FOXK1: variants seen among roughly 807,000 people sequenced by gnomAD.
The protein encoded by FOXK1 is forkhead box protein K1.
Under a neutral mutation model 51.9 loss-of-function variants are expected in FOXK1, and 19 were observed. The ratio of observed to expected loss-of-function variants is 0.37; its 90% CI spans 0.26 to 0.54. The LOEUF (loss-of-function observed/expected upper bound fraction) is 0.54, where lower values mean the gene tolerates loss of function less well. FOXK1 is among the 20% of genes least tolerant of loss of function. The probability of loss-of-function intolerance (pLI) is 0.87; values close to 1 mark genes in which losing one functional copy is unlikely to be tolerated. For synonymous variants in FOXK1, 537 were observed against 482.6 expected (o/e 1.11, Z -1.48); for missense variants, 870 against 1,032.7 (o/e 0.84, Z 2.16).
At chr7:4,727,232 G>T (rs375793015) in intron 1 of FOXK1, among the ~76,000 whole-genome samples, 1 of 152,150 alleles carries the variant, frequency 6.6e-6, no homozygotes, top group Non-Finnish European at 1.5e-5. Context: ...GATTACAGGC[G>T]TGAGCCACTG....
intron 1 of FOXK1, among the ~76,000 whole-genome samples, chr7:4,713,861 T>G (rs1780204762): frequency 6.7e-6 from 1 of 149,750 alleles, no homozygotes; most frequent in African/African-American, 2.5e-5. Context: ...GTTTTGCTCT[T>G]GTTGCCCAGG....
intron 1 of FOXK1, among the ~76,000 whole-genome samples, chr7:4,698,312 G>GTA (rs992394596): frequency 0.028 from 4,092 of 147,034 alleles, 80 homozygotes; most frequent in East Asian, 0.069. Flanking sequence ...GTATGTGTGT[G>GTA]TATATATATA....
In FOXK1 at chr7:4,743,880, T is replaced by C. The variant is rs11762856; in HGVS notation, c.746+2857T>C. 0.57 allele frequency among the ~76,000 whole-genome samples: 80,216 copies of C among 139,516 alleles called. 22,388 individuals carry two copies. The highest frequency in any genetic ancestry group is 0.84 in the East Asian group (4,285 of 5,072). 91.5% of individuals were successfully genotyped at this position (139,516 alleles called of 152,430 possible). On this transcript the variant is annotated intron_variant, in intron 2 of 8. Transcript: ENST00000328914. This position sits in a 1 kb window ranked among gnomAD's most constrained non-coding sequence, Gnocchi z 5.3. ...GGTTGTAATCCAGCTAAACAGAAGC[T>C]TTTTTTTTTTTTTTGAGACGGAGTC...
chr7:4,764,532 G>T lies in FOXK1; in HGVS notation c.*2068G>T. On this transcript the variant is annotated 3_prime_UTR_variant, in exon 9 of 9. Coordinates refer to ENST00000328914, the MANE Select transcript of FOXK1 (RefSeq NM_001037165.2). Reference sequence around the variant, plus strand: ...TCTGTGGGCCTTTTCTTTCCGTGGTGCCTGGTGTGTGCGTGCATGGCGTGA... The same window carrying T: ...TCTGTGGGCCTTTTCTTTCCGTGGTTCCTGGTGTGTGCGTGCATGGCGTGA... The T allele has an allele frequency of 6.5e-6, 1 of 153,740 alleles. No homozygotes were observed. The highest frequency in any genetic ancestry group is 1.5e-5 in the Non-Finnish European group (1 of 68,842). 9.5% of individuals were successfully genotyped at this position (153,740 alleles called of 1,614,324 possible). A position where few individuals can be genotyped will look rare whatever the true frequency, so the allele number is the denominator to read the frequency against.
chr7:4,704,518 C>T (rs1780058471), intron 1 of FOXK1, among the ~76,000 whole-genome samples: 1 of 147,386 alleles, frequency 6.8e-6, no homozygotes, highest in Non-Finnish European at 1.5e-5. Flanking sequence ...AAATATTTTT[C>T]AAAAATTAAA....
At chr7:4,684,181 C>T (rs2115025395) in intron 1 of FOXK1, among the ~76,000 whole-genome samples, 1 of 152,314 alleles carries the variant, frequency 6.6e-6, no homozygotes, top group African/African-American at 2.4e-5. Flanking sequence ...CTCATTTCCT[C>T]TGGAGCCACT....
intron 1 of FOXK1, among the ~76,000 whole-genome samples, chr7:4,714,859 T>A (rs938872907): frequency 9.8e-5 from 15 of 152,334 alleles, no homozygotes; most frequent in African/African-American, 3.6e-4. Context: ...AGATGTTTTG[T>A]CCACCTGAGT....
Position 4,704,834 on chromosome 7 carries a change from C to CTTTTTTTTTTTTTTTTTTTT in FOXK1, c.560+21981_560+21982insTTTTTTTTTTTTTTTTTTTT, listed in dbSNP as rs775099211. Among the ~76,000 whole-genome samples the CTTTTTTTTTTTTTTTTTTTT allele has an allele frequency of 6.1e-5, 8 of 131,406 alleles. 1 individual carries two copies. Among genetic ancestry groups the CTTTTTTTTTTTTTTTTTTTT allele is most frequent in the African/African-American group, 2.6e-4 (8 of 31,092 alleles). 86.2% of individuals were successfully genotyped at this position (131,406 alleles called of 152,430 possible). A position where few individuals can be genotyped will look rare whatever the true frequency, so the allele number is the denominator to read the frequency against. On this transcript the variant is annotated intron_variant, in intron 1 of 8. Coordinates refer to ENST00000328914, the MANE Select transcript of FOXK1 (RefSeq NM_001037165.2). ...CTCCCAAACCAATCTATGTTTCATT[C>CTTTTTTTTTTTTTTTTTTTT]TTTTTTTTTTTTTTTGAGAAAAAGT...
At position 4,749,019 on chromosome 7, in the gene FOXK1, G is replaced by A. The variant is rs181177586; in HGVS notation, c.747-5440G>A. On this transcript the variant is annotated intron_variant, in intron 2 of 8. Transcript: ENST00000328914. This position sits in a 1 kb window ranked among gnomAD's most constrained non-coding sequence, Gnocchi z 6.0. ...CACGCTTCTGGGACTGGCTGTGCCT[G>A]GCGGGCCTCTGAGCTGAGTCTCTCA... 3.5e-3 allele frequency among the ~76,000 whole-genome samples: 540 copies of A among 152,282 alleles called. 4 individuals carry two copies. The highest frequency in any genetic ancestry group is 0.012 in the African/African-American group (505 of 41,564).
chr7:4,700,320 T>A (rs1780005627), intron 1 of FOXK1, among the ~76,000 whole-genome samples: 1 of 152,116 alleles, frequency 6.6e-6, no homozygotes, highest in Admixed American at 6.6e-5. Flanking sequence ...ATAGGAGAGA[T>A]CTGAATGCAA....
intron 1 of FOXK1, among the ~76,000 whole-genome samples, chr7:4,698,322 A>G (rs1583183568): frequency 6.6e-6 from 1 of 152,052 alleles, no homozygotes; most frequent in East Asian, 1.9e-4. Context: ...GTATATATAT[A>G]TATATATATC....
intron 1 of FOXK1, among the ~76,000 whole-genome samples, chr7:4,704,471 A>G (rs927343787): frequency 6.0e-5 from 9 of 151,152 alleles, no homozygotes; most frequent in Non-Finnish European, 1.2e-4. Context: ...AAAAAAAAGA[A>G]AAGAAAAGGA....
rs113297548 is a variant in FOXK1, at chr7:4,756,548, G to A, written c.1051-446G>A. Among the ~76,000 whole-genome samples, 5 of 151,924 alleles carry A rather than the reference G, an allele frequency of 3.3e-5. No individual in the cohort carries two copies. The highest frequency in any genetic ancestry group is 1.2e-4 in the African/African-American group (5 of 41,408). On this transcript the variant is annotated intron_variant, in intron 4 of 8. Coordinates refer to ENST00000328914, the MANE Select transcript of FOXK1 (RefSeq NM_001037165.2). This position sits in a 1 kb window ranked among gnomAD's most constrained non-coding sequence, Gnocchi z 4.1. The stretch of plus-strand genomic sequence containing the variant: ...TGCCTGTAATCCCAGCACTTTGGGA[G>A]GCCGAGGTGGAAGGATTGGTTAAGC...
In FOXK1 at chr7:4,761,805, G is replaced by A. The variant is rs1176034058; in HGVS notation, c.1922-379G>A. ...GTGAGGCAAGAGGTCAAAGGAAGGA[G>A]GAGAGTTGGGGTGCTGGGGTGCAAG... On this transcript the variant is annotated intron_variant, in intron 8 of 8. Coordinates refer to ENST00000328914, the MANE Select transcript of FOXK1 (RefSeq NM_001037165.2). This position sits in a 1 kb window ranked among gnomAD's most constrained non-coding sequence, Gnocchi z 6.2. Among the ~76,000 whole-genome samples the A allele has an allele frequency of 1.3e-5, 2 of 152,188 alleles. No individual in the cohort carries two copies. Among genetic ancestry groups the A allele is most frequent in the Admixed American group, 6.5e-5 (1 of 15,290 alleles).
At position 4,707,724 on chromosome 7, in the gene FOXK1, G is replaced by T. The variant is rs1437213153; in HGVS notation, c.560+24856G>T. ...TTTTGAGACGGACTCTCTCTCCGTT[G>T]CCCAGGCTGGAGTGCAGTGGCACGA... On this transcript the variant is annotated intron_variant, in intron 1 of 8. Transcript: ENST00000328914. This position sits in a 1 kb window ranked among gnomAD's most constrained non-coding sequence, Gnocchi z 4.1. Among the ~76,000 whole-genome samples the T allele has an allele frequency of 1.3e-5, 2 of 150,178 alleles. No individual in the cohort carries two copies. The highest frequency in any genetic ancestry group is 1.3e-4 in the Admixed American group (2 of 15,104).
rs189800975 is a variant in FOXK1, at chr7:4,733,946, C to T, written c.561-6892C>T. ...CAGCACGCGCCAACCCTGGACTTCC[C>T]CCAGAGCTCATCTGGGTGGCAGGTG... On this transcript the variant is annotated intron_variant, in intron 1 of 8. Transcript: ENST00000328914. The surrounding 1 kb of genome is among the most constrained non-coding windows in gnomAD (Gnocchi z 5.0). Among the ~76,000 whole-genome samples, 63 of 149,660 alleles carry T rather than the reference C, an allele frequency of 4.2e-4. No individual in the cohort carries two copies. The highest frequency in any genetic ancestry group is 1.5e-3 in the African/African-American group (60 of 39,070).
intron 2 of FOXK1, among the ~76,000 whole-genome samples, chr7:4,742,501 C>G (rs1357517155): frequency 1.3e-5 from 2 of 152,192 alleles, no homozygotes; most frequent in Non-Finnish European, 2.9e-5. Context: ...GCTGCAGCCT[C>G]CAACTCCTGG....
chr7:4,742,291 C>T (rs1377572894), intron 2 of FOXK1, among the ~76,000 whole-genome samples: 7 of 152,210 alleles, frequency 4.6e-5, no homozygotes, highest in African/African-American at 1.7e-4. Context: ...TTGGAGCGAG[C>T]GCTGTGGCAA....
rs540234678 is a variant in FOXK1, at chr7:4,745,385, G to A, written c.746+4362G>A. ...TCAGCTGCCCCTGCCCCCGCCCCCC[G>A]CGCCACCCTGCGTCCTTCCTTTCCG... is the stretch of plus-strand genomic sequence containing the variant. On this transcript the variant is annotated intron_variant, in intron 2 of 8. Coordinates refer to ENST00000328914, the MANE Select transcript of FOXK1 (RefSeq NM_001037165.2). The surrounding 1 kb of genome is among the most constrained non-coding windows in gnomAD (Gnocchi z 4.3). Among the ~76,000 whole-genome samples the A allele has an allele frequency of 5.3e-5, 8 of 151,326 alleles. No individual in the cohort carries two copies. The highest frequency in any genetic ancestry group is 9.7e-5 in the African/African-American group (4 of 41,272).
Sources: allele counts gnomAD v4.1 joint callset (sites outside exome capture counted in the v4.1 genomes callset), GRCh38; gene constraint gnomAD v4.1.1; non-coding constraint Gnocchi (gnomAD v3.1); transcripts MANE v1.5; gene names NCBI Gene and HGNC (gene_info 2026-07-23, HGNC 2026-07-21).